Variants in MEGF10 observed in about 807,000 individuals in gnomAD.
The protein encoded by MEGF10 is multiple EGF like domains 10, also known as multiple epidermal growth factor-like domains protein 10.
In MEGF10, 86 loss-of-function variants were observed where a neutral mutation model predicts 147.5. The ratio of observed to expected loss-of-function variants is 0.58; its 90% confidence interval spans 0.49 to 0.70. The LOEUF is 0.70. Ranked by LOEUF, MEGF10 falls within the 30% of genes least tolerant of loss-of-function variation. The pLI is 0.00. For missense variants in MEGF10, 1,329 were observed against 1,487.3 expected (o/e 0.89, Z 1.75); for synonymous variants, 478 against 525.5 (o/e 0.91, Z 1.24).
intron 1 of MEGF10, among the ~76,000 whole-genome samples, chr5:127,305,586 C>T (rs1759977785): frequency 1.3e-5 from 2 of 151,968 alleles, no homozygotes. Flanking sequence ...CAACCTGAAG[C>T]AAAGGCACTT....
chr5:127,443,480 C>A (rs1765832565), intron 19 of MEGF10, among the ~76,000 whole-genome samples: 1 of 152,044 alleles, frequency 6.6e-6, no homozygotes, highest in Non-Finnish European at 1.5e-5. Flanking sequence ...AAAAACACAC[C>A]TATTTAATGT....
rs566024805 is a variant in MEGF10 at position 127,392,205 on chromosome 5, T to C, written c.413-4327T>C. Among the ~76,000 whole-genome samples the C allele has an allele frequency of 2.6e-5, 4 of 152,256 alleles. No individual in the cohort carries two copies. In the South Asian group the frequency reaches 8.3e-4, roughly 32 times the overall value. On this transcript the variant is annotated intron_variant, in intron 5 of 24. Transcript: ENST00000503335. ...ATCTCTCCATAGTTATTTCTACTTC[T>C]TTTTGTTGTGTACAGAGCTGTGAAA...
Position 127,370,137 on chromosome 5 carries a change from G to T in MEGF10, c.412+135G>T, listed in dbSNP as rs143301955. 1,122 of 564,126 alleles carry T rather than the reference G, an allele frequency of 2.0e-3. 9 individuals are homozygous for T. The highest frequency in any genetic ancestry group is 0.019 in the African/African-American group (1,012 of 52,658). 34.9% of individuals were successfully genotyped at this position (564,126 alleles called of 1,614,324 possible). On this transcript the variant is annotated intron_variant, in intron 5 of 24. Transcript: ENST00000503335. ...TAGTGTAAATGCCACGACCAACTCA[G>T]TCATACAGTTTCTTTTAAATCTGTA...
intron 4 of MEGF10, among the ~76,000 whole-genome samples, chr5:127,348,692 G>A (rs1237073198): frequency 6.6e-6 from 1 of 152,104 alleles, no homozygotes; most frequent in Non-Finnish European, 1.5e-5. Flanking sequence ...GCAAAATTCA[G>A]CTGGCAGATG....
chr5:127,322,042 A>G (rs1253270037), intron 1 of MEGF10, among the ~76,000 whole-genome samples: 1 of 151,362 alleles, frequency 6.6e-6, no homozygotes, highest in African/African-American at 2.4e-5. Context: ...GTCAAAGTGG[A>G]AATCTTTCAG....
At chr5:127,422,859 C>T (rs1472504778) in intron 13 of MEGF10, 87 bp downstream of exon 13, 5 of 944,054 alleles carry the variant, frequency 5.3e-6, no homozygotes, top group Non-Finnish European at 8.2e-6. Flanking sequence ...GAAACACACA[C>T]CAGTCAACTT....
chr5:127,326,564 A>G (rs1761043507), intron 1 of MEGF10, among the ~76,000 whole-genome samples: 1 of 152,150 alleles, frequency 6.6e-6, no homozygotes, highest in African/African-American at 2.4e-5. Flanking sequence ...TCTTTAATGC[A>G]CTGAAGCTGG....
At chr5:127,442,159 C>T (rs537953311) in intron 18 of MEGF10, among the ~76,000 whole-genome samples, 30 of 152,224 alleles carry the variant, frequency 2.0e-4, no homozygotes, top group Middle Eastern at 3.4e-3. Flanking sequence ...ATAAGAAAAC[C>T]TCTTAAGTGC....
intron 2 of MEGF10, among the ~76,000 whole-genome samples, chr5:127,336,312 G>A (rs1310032403): frequency 1.3e-5 from 2 of 151,750 alleles, no homozygotes; most frequent in Non-Finnish European, 2.9e-5. Flanking sequence ...TTTCTCCATG[G>A]AAAGCTATAT....
chr5:127,361,903 G>T (rs1762481380), intron 4 of MEGF10, among the ~76,000 whole-genome samples: 1 of 152,064 alleles, frequency 6.6e-6, no homozygotes, highest in Non-Finnish European at 1.5e-5. Flanking sequence ...TGCATGCGTT[G>T]AATCTTTTAA....
rs1311665269 is a variant in MEGF10 at position 127,419,034 on chromosome 5, A to G, written c.1306-86A>G. On this transcript the variant is annotated intron_variant, in intron 10 of 24. Coordinates refer to ENST00000503335, the MANE Select transcript of MEGF10 (RefSeq NM_001256545.2). ...AAATTAGAGAGGAAGTATAATTAGC[A>G]TTGCCAAGATATATTTTTGTTTATT... 4 of 1,438,156 alleles carry G rather than the reference A, an allele frequency of 2.8e-6. No individual in the cohort carries two copies. The East Asian group carries it at 7.0e-5, about 25-fold the overall frequency. The allele number at this position is 1,438,156 out of a possible 1,614,324, so 89.1% of individuals were successfully genotyped here. A position where few individuals can be genotyped will look rare whatever the true frequency, so the allele number is the denominator to read the frequency against.
At chr5:127,239,033 C>G in the MEGF10 span, among the ~76,000 whole-genome samples, 1 of 151,906 alleles carries the variant, frequency 6.6e-6, no homozygotes, top group African/African-American at 2.4e-5. Context: ...AAATGTTTCA[C>G]CTCAATCTAA....
intron 1 of MEGF10, among the ~76,000 whole-genome samples, chr5:127,326,484 C>T (rs903342165): frequency 6.6e-6 from 1 of 152,144 alleles, no homozygotes; most frequent in Admixed American, 6.6e-5. Flanking sequence ...CATCAGCAAA[C>T]TAGTATTTCC....
At chr5:127,452,345 CA>C (rs1457690766) in intron 22 of MEGF10, among the ~76,000 whole-genome samples, 2 of 152,180 alleles carry the variant, frequency 1.3e-5, no homozygotes, top group Non-Finnish European at 2.9e-5. Context: ...GAGTATTTGG[CA>C]AAGAGGAGCA....
chr5:127,381,236 A>G (rs889836819), intron 5 of MEGF10, among the ~76,000 whole-genome samples: 3 of 152,206 alleles, frequency 2.0e-5, no homozygotes, highest in African/African-American at 7.2e-5. Context: ...TAGGCAAAGA[A>G]ATGCAGACTA....
rs77905702 is a variant in MEGF10 at position 127,410,080 on chromosome 5, T to C, written c.918-309T>C. Among the ~76,000 whole-genome samples, 352 of 152,376 alleles carry C rather than the reference T, an allele frequency of 2.3e-3. 3 individuals carry two copies. The highest frequency in any genetic ancestry group is 0.01 in the Middle Eastern group (3 of 294). ...TCTTAGTATCTACTAAAGTGCTATG[T>C]AACTTTGGCAAGCACTAAGTGTAAA... On this transcript the variant is annotated intron_variant, in intron 8 of 24. Transcript: ENST00000503335.
upstream of MEGF10, among the ~76,000 whole-genome samples, chr5:127,287,407 G>A (rs1759060863): frequency 6.6e-6 from 1 of 151,902 alleles, no homozygotes; most frequent in Non-Finnish European, 1.5e-5. Flanking sequence ...AAATGTGAGG[G>A]TACTGCACAA....
At chr5:127,423,762 T>C (rs562362368) in intron 13 of MEGF10, among the ~76,000 whole-genome samples, 3 of 152,310 alleles carry the variant, frequency 2.0e-5, no homozygotes, top group Non-Finnish European at 2.9e-5. Flanking sequence ...ATAATCTTTA[T>C]ATTTTTTAGA....
At chr5:127,406,228 G>T (rs1332316314) in intron 8 of MEGF10, among the ~76,000 whole-genome samples, 1 of 152,162 alleles carries the variant, frequency 6.6e-6, no homozygotes, top group Non-Finnish European at 1.5e-5. Context: ...TGGAGTACAG[G>T]GAAAGGGAAT....
Sources: gnomAD v4.1 joint callset for allele counts (sites outside exome capture counted in the v4.1 genomes callset) on GRCh38, gnomAD v4.1.1 for gene constraint, MANE v1.5 for transcripts, NCBI Gene and HGNC (gene_info 2026-07-23, HGNC 2026-07-21) for gene names.